The following GALNT2 variants were observed in gnomAD, a reference collection of about 807,000 sequenced individuals.
GALNT2 encodes the protein UDP-GalNAc:polypeptide N-acetylgalactosaminyltransferase 2.
Under a neutral mutation model 81.4 loss-of-function variants are expected in GALNT2, and 31 were observed. That is an observed-to-expected ratio of 0.38 (90% CI 0.29 to 0.51). The LOEUF is 0.51. GALNT2 is among the 20% of genes least tolerant of loss of function. The pLI is 0.87. For missense variants in GALNT2, 629 were observed against 765.7 expected, an observed-to-expected ratio of 0.82 and a Z score of 2.11; for synonymous variants, 303 against 287.4, an observed-to-expected ratio of 1.05 and a Z score of -0.55.
At chr1:230,079,843 G>A (rs1320548331) in intron 1 of GALNT2, among the ~76,000 whole-genome samples, 1 of 152,188 alleles carries the variant, frequency 6.6e-6, no homozygotes, top group African/African-American at 2.4e-5. Context: ...GGGCTCATGA[G>A]GAATGTCCCT....
At chr1:230,099,185 C>A (rs576086332) in intron 1 of GALNT2, among the ~76,000 whole-genome samples, 10 of 152,218 alleles carry the variant, frequency 6.6e-5, no homozygotes, top group Non-Finnish European at 1.0e-4. Context: ...TCTGTGCCTG[C>A]TGTTGGCCTG....
chr1:230,239,125 CTT>C (rs567697077), intron 6 of GALNT2, among the ~76,000 whole-genome samples: 1 of 151,986 alleles, frequency 6.6e-6, no homozygotes. Context: ...GATATTGTCT[CTT>C]TTTTTACTGT....
chr1:230,267,193 C>A (rs974148088), intron 14 of GALNT2, among the ~76,000 whole-genome samples: 1 of 152,216 alleles, frequency 6.6e-6, no homozygotes, highest in African/African-American at 2.4e-5. Context: ...TACATGACTT[C>A]ATATCATTGA....
At chr1:230,222,540 T>A (rs908492678) in intron 3 of GALNT2, among the ~76,000 whole-genome samples, 4 of 152,206 alleles carry the variant, frequency 2.6e-5, no homozygotes, top group Non-Finnish European at 4.4e-5. Context: ...TTTTGGTACG[T>A]TGCTTATTTA....
chr1:230,166,919 T>A (rs758015582), intron 1 of GALNT2, among the ~76,000 whole-genome samples: 4 of 152,094 alleles, frequency 2.6e-5, no homozygotes, highest in Non-Finnish European at 4.4e-5. Context: ...GAATAAACAT[T>A]AGTCCCTCTC....
intron 1 of GALNT2, among the ~76,000 whole-genome samples, chr1:230,116,341 C>T (rs1417134426): frequency 4.6e-5 from 7 of 152,046 alleles, no homozygotes; most frequent in Admixed American, 2.0e-4. Context: ...GGAATTCTCC[C>T]GCCTCAGCCT....
At position 230,135,237 on chromosome 1, in the gene GALNT2, C is replaced by T. The variant is rs78330514; in HGVS notation, c.127-42981C>T. On this transcript the variant is annotated intron_variant, in intron 1 of 15. Transcript: ENST00000366672. Reference sequence around the variant, plus strand: ...AATGGTAGAGACAGTGTCCTAGACTCGGGGGTGGGGATGCGAGGGGTGTAG... The same window carrying T: ...AATGGTAGAGACAGTGTCCTAGACTTGGGGGTGGGGATGCGAGGGGTGTAG... 8.0e-3 allele frequency among the ~76,000 whole-genome samples: 1,214 copies of T among 151,244 alleles called. 23 individuals carry two copies. The highest frequency in any genetic ancestry group is 0.027 in the African/African-American group (1,113 of 41,142).
At chr1:230,078,273 G>A (rs925844519) in intron 1 of GALNT2, among the ~76,000 whole-genome samples, 1 of 152,070 alleles carries the variant, frequency 6.6e-6, no homozygotes. Flanking sequence ...ACAATGTGTC[G>A]TATTTGGGGG....
chr1:230,150,643 CT>C (rs1304198170), intron 1 of GALNT2, among the ~76,000 whole-genome samples: 2 of 152,226 alleles, frequency 1.3e-5, no homozygotes, highest in African/African-American at 4.8e-5. Context: ...ACCTTAAGCT[CT>C]ACTTATAATT....
chr1:230,245,824 C>T (rs1043317113), intron 7 of GALNT2, among the ~76,000 whole-genome samples: 10 of 152,306 alleles, frequency 6.6e-5, no homozygotes, highest in South Asian at 6.2e-4. Context: ...ACTCCTGCTA[C>T]GCACCCACTC....
At chr1:230,251,702 T>C (rs1011160392) in intron 10 of GALNT2, among the ~76,000 whole-genome samples, 2 of 152,236 alleles carry the variant, frequency 1.3e-5, no homozygotes, top group African/African-American at 4.8e-5. Context: ...TATCCCCTAA[T>C]GGTTTAGTGG....
At chr1:230,151,703 G>A (rs950974823) in intron 1 of GALNT2, among the ~76,000 whole-genome samples, 2 of 152,178 alleles carry the variant, frequency 1.3e-5, no homozygotes, top group East Asian at 1.9e-4. Context: ...AAGGGGTCCC[G>A]ATCCAGACCC....
chr1:230,137,419 C>T (rs540142493), intron 1 of GALNT2, among the ~76,000 whole-genome samples: 1 of 152,288 alleles, frequency 6.6e-6, no homozygotes, highest in South Asian at 2.1e-4. Flanking sequence ...GGTCAGAGAG[C>T]CTGCAGGCTG....
At chr1:230,062,233 G>A (rs151214383) in intron 1 of GALNT2, among the ~76,000 whole-genome samples, 209 of 152,046 alleles carry the variant, frequency 1.4e-3, no homozygotes, top group African/African-American at 4.0e-3. Flanking sequence ...TATGCTTTTC[G>A]CCATTTTTTA....
chr1:230,273,353 C>T (rs1010263036), intron 14 of GALNT2, among the ~76,000 whole-genome samples: 18 of 152,258 alleles, frequency 1.2e-4, no homozygotes, highest in Admixed American at 3.9e-4. Context: ...TGGGACAGAC[C>T]GATAGAAAGA....
chr1:230,231,541 C>G (rs73114070), intron 3 of GALNT2, among the ~76,000 whole-genome samples: 50,132 of 152,022 alleles, frequency 0.33, 8,356 homozygotes, highest in Middle Eastern at 0.36. Context: ...GTTATTTCAT[C>G]AATGTCTTGA....
At chr1:230,068,819 T>C (rs951566350) in intron 1 of GALNT2, among the ~76,000 whole-genome samples, 1 of 152,204 alleles carries the variant, frequency 6.6e-6, no homozygotes, top group African/African-American at 2.4e-5. Context: ...CATTGTACTC[T>C]TAGCGTTGTT....
At position 230,072,319 on chromosome 1, in the gene GALNT2, A is replaced by G. The variant is rs116667668; in HGVS notation, c.126+4913A>G. Among the ~76,000 whole-genome samples the G allele has an allele frequency of 8.2e-3, 1,206 of 146,752 alleles. 19 individuals are homozygous for G. The highest frequency in any genetic ancestry group is 0.03 in the African/African-American group (1,172 of 39,414). On this transcript the variant is annotated intron_variant, in intron 1 of 15. Coordinates refer to ENST00000366672, the MANE Select transcript of GALNT2 (RefSeq NM_004481.5). ...GCCACTGTCCTGCCTAACTTCTAGC[A>G]AGTCCAGAGGCAGTGGGCTTAGTGA...
intron 9 of GALNT2, among the ~76,000 whole-genome samples, chr1:230,249,738 T>C (rs1169755214): frequency 6.6e-6 from 1 of 152,200 alleles, no homozygotes; most frequent in Non-Finnish European, 1.5e-5. Flanking sequence ...TCAGGATGCC[T>C]TCTCTAGCTG....
Sources: gnomAD v4.1 joint callset for allele counts (sites outside exome capture counted in the v4.1 genomes callset) on GRCh38, gnomAD v4.1.1 for gene constraint, MANE v1.5 for transcripts, NCBI Gene and HGNC (gene_info 2026-07-23, HGNC 2026-07-21) for gene names.